Variants in GTF3C1 observed in about 807,000 individuals in gnomAD.
GTF3C1 encodes general transcription factor 3C polypeptide 1.
In GTF3C1, 57 loss-of-function variants were observed where a neutral mutation model predicts 226.7. That is an observed-to-expected ratio of 0.25 (90% CI 0.20 to 0.31). The LOEUF is 0.31. Ranked by LOEUF, GTF3C1 falls within the 10% of genes least tolerant of loss-of-function variation. The pLI is 1.00. For missense variants in GTF3C1, 2,217 were observed against 2,776.1 expected (o/e 0.80, Z 4.53); for synonymous variants, 1,090 against 1,084.8 (o/e 1.00, Z -0.09).
intron 16 of GTF3C1, among the ~76,000 whole-genome samples, chr16:27,494,494 T>C (rs1387190539): frequency 1.3e-5 from 2 of 152,076 alleles, no homozygotes; most frequent in Admixed American, 6.5e-5. Flanking sequence ...AATAGATCCA[T>C]TTAGAAGAGC....
chr16:27,514,269 G>A (rs369762027), intron 6 of GTF3C1, among the ~76,000 whole-genome samples: 3 of 152,266 alleles, frequency 2.0e-5, no homozygotes, highest in Admixed American at 6.5e-5. Flanking sequence ...GGCTCCTGCC[G>A]TCCCTCTTGG....
At chr16:27,498,819 AGTCATACCT>A in intron 12 of GTF3C1, 86 bp from the exon 13 acceptor site, 4 of 767,448 alleles carry the variant, frequency 5.2e-6, no homozygotes, top group Non-Finnish European at 9.6e-6. Context: ...GTGGAACCTC[AGTCATACCT>A]GTTTTCATTA....
chr16:27,503,737 C>T (rs1343522170), intron 10 of GTF3C1, among the ~76,000 whole-genome samples: 1 of 152,208 alleles, frequency 6.6e-6, no homozygotes. Context: ...CAAATGTGAA[C>T]CCTATATGGA....
At position 27,537,855 on chromosome 16, in the gene GTF3C1, A is replaced by G. The variant is rs778741419; in HGVS notation, c.681T>C (p.His227=). The change falls in exon 4 of 37, where the codon CAT becomes CAC. Residue 227 remains histidine (H), a synonymous_variant. Coordinates refer to ENST00000356183, the MANE Select transcript of GTF3C1 (RefSeq NM_001520.4). ...GGGCTCCAGTGGGTAATCGGATCAC[A>G]TGGGACTGCATTGTAATCAGCCCGT... is the stretch of plus-strand genomic sequence containing the variant. ...NKNGLITMQS[H]VIRLPTGAQQ... The G allele has an allele frequency of 3.3e-5, 54 of 1,612,718 alleles. No homozygotes were observed. Among genetic ancestry groups the G allele is most frequent in the Admixed American group, 1.2e-4 (7 of 60,002 alleles).
chr16:27,476,300 T>C (rs1179378248), intron 29 of GTF3C1, 151 bp downstream of exon 29: 3 of 581,158 alleles, frequency 5.2e-6, no homozygotes, highest in Admixed American at 3.2e-5. Context: ...AAAACAACGA[T>C]AAAAAAATAA....
intron 1 of GTF3C1, among the ~76,000 whole-genome samples, chr16:27,546,925 C>T (rs2089172796): frequency 1.3e-5 from 2 of 152,070 alleles, no homozygotes; most frequent in Non-Finnish European, 2.9e-5. Flanking sequence ...TGCCACCACA[C>T]CCAGCTAATT....
chr16:27,515,280 A>G (rs2088639204), intron 6 of GTF3C1, among the ~76,000 whole-genome samples: 2 of 152,178 alleles, frequency 1.3e-5, no homozygotes, highest in African/African-American at 2.4e-5. Context: ...CTTCATTTCC[A>G]TAACAAATAC....
chr16:27,469,579 G>C lies in GTF3C1; in HGVS notation c.4815-29C>G. ...GAAGGGAATTGTGACCTGGATACCT[G>C]AGCATAGGCCAGCCAGTTGCTACTG... On this transcript the variant is annotated intron_variant, in intron 31 of 36. Transcript: ENST00000356183. The surrounding 1 kb of genome is among the most constrained non-coding windows in gnomAD (Gnocchi z 4.5). 6.3e-7 allele frequency: 1 copy of C among 1,593,514 alleles called. No individual in the cohort carries two copies. The highest frequency in any genetic ancestry group is 2.3e-5 in the East Asian group (1 of 44,438).
chr16:27,508,626 G>C lies in GTF3C1; in HGVS notation c.1156C>G (p.Gln386Glu). Residue 386 changes from glutamine to glutamate, a missense_variant, in exon 8 of 37, where the codon CAA becomes GAA. Physicochemically the swap from Gln to Glu is conservative, Grantham distance 29. Around this residue, in one of 12 missense-constraint regions of GTF3C1, gnomAD observed 163 missense variants for 234.3 expected, o/e 0.70. Transcript: ENST00000356183. ...IERRGTKGIS[Q>E]AEIRVAMNVG... ...TTCATAGCCACTCGGATTTCAGCTT[G>C]GGAAATTCCTTTCGTGCCTCTGCGC... The C allele has an allele frequency of 1.2e-6, 2 of 1,614,088 alleles. No homozygotes were observed. Among genetic ancestry groups the C allele is most frequent in the Non-Finnish European group, 1.7e-6 (2 of 1,179,944 alleles).
At chr16:27,488,997 G>C (rs1347592096) in intron 21 of GTF3C1, 46 bp downstream of exon 21, 1 of 1,580,568 alleles carries the variant, frequency 6.3e-7, no homozygotes, top group East Asian at 2.2e-5. Flanking sequence ...AGGAGGGTGA[G>C]TAGCGAGGAC....
At chr16:27,538,009 C>A in intron 3 of GTF3C1, 82 bp from the exon 4 acceptor site, 1 of 1,471,126 alleles carries the variant, frequency 6.8e-7, no homozygotes. Context: ...ACATAAACAC[C>A]AGAGACACAA....
chr16:27,464,016 G>C, intron 34 of GTF3C1: 2 of 436,550 alleles, frequency 4.6e-6, no homozygotes, highest in South Asian at 8.8e-5. Flanking sequence ...AGGAAGTTGA[G>C]ACCCCCATGC....
chr16:27,485,753 C>T (rs2088128894), intron 24 of GTF3C1, among the ~76,000 whole-genome samples: 1 of 152,210 alleles, frequency 6.6e-6, no homozygotes, highest in South Asian at 2.1e-4. Context: ...GAGGTGGGAT[C>T]ACTTGAGGCC....
In GTF3C1 at chr16:27,544,309, CAGG is replaced by C. The variant is rs200994702; in HGVS notation, c.431+1002_431+1004del. The stretch of plus-strand genomic sequence containing the variant: ...GGAAGGTGGGAAGATCACCTGAGCC[CAGG>C]AGGTCAAGGCTGCAATAAGCTGTGA... On this transcript the variant is annotated intron_variant, in intron 2 of 36. Transcript: ENST00000356183. Among the ~76,000 whole-genome samples the C allele has an allele frequency of 4.8e-4, 73 of 151,786 alleles. No homozygotes were observed. The East Asian group carries it at 0.014, about 28-fold the overall frequency.
At chr16:27,540,016 C>T (rs4787965) in intron 2 of GTF3C1, among the ~76,000 whole-genome samples, 145,891 of 152,264 alleles carry the variant, frequency 0.96, 69,949 homozygotes, top group East Asian at 1. Flanking sequence ...TTCTGTTCAC[C>T]GGGAGCCAAC....
intron 1 of GTF3C1, among the ~76,000 whole-genome samples, chr16:27,546,792 G>A (rs888638968): frequency 3.3e-5 from 5 of 151,620 alleles, no homozygotes; most frequent in African/African-American, 1.2e-4. Context: ...TAAGACTTGA[G>A]TTTTGATCTT....
At chr16:27,488,203 A>G (rs2088172398) in intron 23 of GTF3C1, 24 bp downstream of exon 23, 1 of 1,597,296 alleles carries the variant, frequency 6.3e-7, no homozygotes, top group Non-Finnish European at 8.6e-7. Flanking sequence ...AAGGCCCAGT[A>G]AATGAAAATG....
In GTF3C1 at chr16:27,486,035, C is replaced by A; in HGVS notation, c.3820G>T (p.Val1274Leu). 1.2e-6 allele frequency: 2 copies of A among 1,612,692 alleles called. No individual in the cohort carries two copies. Among genetic ancestry groups the A allele is most frequent in the Non-Finnish European group, 1.7e-6 (2 of 1,178,994 alleles). ...ACATTGCTGGCAATGCGGCACAGCA[C>A]AAGCAGCCCATCCTCCTGCATAGAC... is the stretch of plus-strand genomic sequence containing the variant. ...TWSMQEDGLLVLCRIASNVLN... is the reference protein window; with the variant it reads ...TWSMQEDGLLLLCRIASNVLN... Residue 1274 changes from valine to leucine, a missense_variant, in exon 24 of 37, where the codon GTG becomes TTG. Physicochemically the swap from Val to Leu is conservative, Grantham distance 32. This residue lies in a region of GTF3C1 where 546 missense variants were observed against 663.0 expected (regional missense o/e 0.82). Coordinates refer to ENST00000356183, the MANE Select transcript of GTF3C1 (RefSeq NM_001520.4).
rs2229355 is a variant in GTF3C1, at chr16:27,469,309, C to A, written c.5056G>T (p.Ala1686Ser). 1.6e-4 allele frequency: 244 copies of A among 1,569,632 alleles called. 4 individuals are homozygous for A. In the South Asian group the frequency reaches 2.6e-3, roughly 17 times the overall value. Residue 1686 changes from alanine to serine, a missense_variant, in exon 32 of 37, where the codon GCC (alanine) becomes TCC (serine). Transcript: ENST00000356183. The surrounding 1 kb of genome is among the most constrained non-coding windows in gnomAD (Gnocchi z 4.5). ...CACTCACCAGCGGGCCTGAGCCGGGCGGGCACAGGGGTGCAGCGGAGCTGG... is the reference window on the plus strand; with the variant it reads ...CACTCACCAGCGGGCCTGAGCCGGGAGGGCACAGGGGTGCAGCGGAGCTGG... ...KFQLRCTPVP[A>S]RLRPAAAPLE...
Sources: allele counts gnomAD v4.1 joint callset (sites outside exome capture counted in the v4.1 genomes callset), GRCh38; gene constraint gnomAD v4.1.1; regional missense constraint gnomAD v4.1.1; non-coding constraint Gnocchi (gnomAD v3.1); transcripts MANE v1.5; gene names NCBI Gene and HGNC (gene_info 2026-07-23, HGNC 2026-07-21).